Variants in DISP2 observed in about 807,000 individuals in gnomAD.
DISP2 encodes protein dispatched homolog 2.
In DISP2, 59 loss-of-function variants were observed where a neutral mutation model predicts 95.5. The observed-to-expected ratio is 0.62, with a 90% CI of 0.50 to 0.77. DISP2 has a LOEUF of 0.77. Among genes scored for constraint, DISP2 ranks in the 30% least tolerant of loss-of-function variants. DISP2 has a pLI of 0.00. For synonymous variants in DISP2, 827 were observed against 815.0 expected (o/e 1.01, Z -0.25); for missense variants, 1,752 against 1,854.6 (o/e 0.94, Z 1.02).
chr15:40,367,446 G>A lies in DISP2; in HGVS notation c.1334G>A (p.Gly445Asp), dbSNP rs75971826. Residue 445 changes from glycine to aspartate, a missense_variant, in exon 8 of 8, where the codon GGT becomes GAT. Around this residue, in one of 5 missense-constraint regions of DISP2, gnomAD observed 732 missense variants for 714.6 expected, o/e 1.02. Coordinates refer to ENST00000267889, the MANE Select transcript of DISP2 (RefSeq NM_033510.3). ...YSLLFLPTPK[G>D]ASLMDIYLDR... ...CTGCTCTTCCTGCCCACCCCAAAGG[G>A]TGCTTCCCTCATGGACATCTACCTG... The A allele has an allele frequency of 5.9e-5, 95 of 1,613,630 alleles. No individual in the cohort carries two copies. In the African/African-American group the frequency reaches 1.2e-3, roughly 20 times the overall value.
chr15:40,368,507 C>T lies in DISP2; in HGVS notation c.2395C>T (p.Pro799Ser). The T allele has an allele frequency of 6.2e-7, 1 of 1,607,184 alleles. No individual in the cohort carries two copies. The highest frequency in any genetic ancestry group is 8.5e-7 in the Non-Finnish European group (1 of 1,179,902). The stretch of plus-strand genomic sequence containing the variant: ...TAGCAACAGCAGCCTGGTGAGGGAC[C>T]CTGCCTTCTCGGCCAGCGGCCCTGA... The part of the protein sequence containing the change: ...PRSNSSLVRD[P>S]AFSASGPEAQ... Residue 799 changes from proline to serine, a missense_variant, in exon 8 of 8, where the codon CCT becomes TCT. Pro to Ser is a moderately conservative substitution (Grantham distance 74). Around this residue, in one of 5 missense-constraint regions of DISP2, gnomAD observed 732 missense variants for 714.6 expected, o/e 1.02. Transcript: ENST00000267889.
chr15:40,365,865 C>A (rs542568055), intron 7 of DISP2, 140 bp downstream of exon 7: 11 of 845,322 alleles, frequency 1.3e-5, no homozygotes, highest in Non-Finnish European at 2.1e-5. Flanking sequence ...ATTATTCCAA[C>A]CCTGCTGAGA....
rs1566916011 is a variant in DISP2, at chr15:40,367,661, C to T, written c.1549C>T (p.Leu517=). The T allele has an allele frequency of 1.2e-6, 2 of 1,614,038 alleles. No individual in the cohort carries two copies. The highest frequency in any genetic ancestry group is 1.1e-5 in the South Asian group (1 of 91,082). Residue 517 remains leucine, a synonymous_variant, in exon 8 of 8, where the codon CTG becomes TTG. Coordinates refer to ENST00000267889, the MANE Select transcript of DISP2 (RefSeq NM_033510.3). ...LRSLFLTLMV[L]LGVLGSLLVA... ...CTCACTCTTCCTCACGCTCATGGTG[C>T]TGCTGGGGGTGCTGGGCTCACTGCT... is the stretch of plus-strand genomic sequence containing the variant.
chr15:40,363,147 CAA>C (rs5812160), intron 1 of DISP2, among the ~76,000 whole-genome samples: 6 of 134,780 alleles, frequency 4.5e-5, no homozygotes, highest in Non-Finnish European at 4.8e-5. Context: ...ACTGAAAATA[CAA>C]AAAAAAAAAA....
intron 7 of DISP2, among the ~76,000 whole-genome samples, chr15:40,366,740 T>C (rs1271291055): frequency 6.6e-6 from 1 of 152,262 alleles, no homozygotes; most frequent in Non-Finnish European, 1.5e-5. Context: ...GGCCCTGTTC[T>C]ATCTGTGGCT....
rs1444064979 is a variant in DISP2 at position 40,363,698 on chromosome 15, G to T, written c.193G>T (p.Asp65Tyr). The stretch of plus-strand genomic sequence containing the variant: ...CTCCCTCCACAGCTGCCCCCTGGAG[G>T]ACCCTTCCAGCTCTTCAGGACCCCC... Reference protein sequence around the residue: ...SCSLHSCPLEDPSSSSGPPPT... With the variant: ...SCSLHSCPLEYPSSSSGPPPT... The change falls in exon 2 of 8, where the codon GAC becomes TAC. Residue 65 changes from aspartate (D) to tyrosine (Y), a missense_variant. By Grantham distance (160) the Asp-to-Tyr change is radical. Around this residue, in one of 5 missense-constraint regions of DISP2, gnomAD observed 342 missense variants for 364.3 expected, o/e 0.94. Coordinates refer to ENST00000267889, the MANE Select transcript of DISP2 (RefSeq NM_033510.3). 6.2e-7 allele frequency: 1 copy of T among 1,608,930 alleles called. No homozygotes were observed. The highest frequency in any genetic ancestry group is 1.1e-5 in the South Asian group (1 of 90,274).
At position 40,370,021 on chromosome 15, in the gene DISP2, T is replaced by G; in HGVS notation, c.3909T>G (p.Ser1303=). 1 of 1,614,118 alleles carries G rather than the reference T, an allele frequency of 6.2e-7. No individual in the cohort carries two copies. Among genetic ancestry groups the G allele is most frequent in the Non-Finnish European group, 8.5e-7 (1 of 1,180,034 alleles). The change falls in exon 8 of 8, where the codon TCT becomes TCG. Residue 1303 remains serine (S), a synonymous_variant. Transcript: ENST00000267889. The part of the protein sequence containing the change: ...SVSDETCLST[S]EPSARVPDSV... ...CTGATGAGACCTGCCTAAGCACCTC[T>G]GAGCCCAGTGCCCGTGTACCAGATT...
rs749017494 is a variant in DISP2, at chr15:40,364,405, C to T, written c.480-16C>T. 6.2e-7 allele frequency: 1 copy of T among 1,613,610 alleles called. No homozygotes were observed. Among genetic ancestry groups the T allele is most frequent in the South Asian group, 1.1e-5 (1 of 91,074 alleles). On this transcript the variant is annotated splice_polypyrimidine_tract_variant and intron_variant, in intron 3 of 7. Transcript: ENST00000267889. ...CTACCACACCCAACTCATGTGGACT[C>T]CTCCCTCTTTCCCAGCTATTCCCAG...
In DISP2 at chr15:40,375,730, C is replaced by T. The variant is rs1051399626; in HGVS notation, c.*5412C>T. 2.0e-5 allele frequency: 3 copies of T among 152,298 alleles called. No individual in the cohort carries two copies. Among genetic ancestry groups the T allele is most frequent in the Non-Finnish European group, 2.9e-5 (2 of 68,028 alleles). The allele number at this position is 152,298 out of a possible 1,614,324, so 9.4% of individuals were successfully genotyped here. ...ACACTTGGTGTCAGAGGCCTTCACA[C>T]GAGGGTTTGCACTCCCCTACAAGGA... On this transcript the variant is annotated 3_prime_UTR_variant, in exon 8 of 8. Transcript: ENST00000267889.
Position 40,371,029 on chromosome 15 carries a change from A to G in DISP2, c.*711A>G, listed in dbSNP as rs1047855167. The G allele has an allele frequency of 5.2e-6, 1 of 191,238 alleles. No homozygotes were observed. The highest frequency in any genetic ancestry group is 1.1e-5 in the Non-Finnish European group (1 of 89,692). 11.8% of individuals were successfully genotyped at this position (191,238 alleles called of 1,614,324 possible). A position where few individuals can be genotyped will look rare whatever the true frequency, so the allele number is the denominator to read the frequency against. On this transcript the variant is annotated 3_prime_UTR_variant, in exon 8 of 8. Coordinates refer to ENST00000267889, the MANE Select transcript of DISP2 (RefSeq NM_033510.3). Reference sequence around the variant, plus strand: ...GCTCCTGTGCTTTCCTGTGTTAATAAACAGTAATAATCCTTTCCATCTCTG... The same window carrying G: ...GCTCCTGTGCTTTCCTGTGTTAATAGACAGTAATAATCCTTTCCATCTCTG...
rs551876898 is a variant in DISP2 at position 40,377,350 on chromosome 15, A to G, written c.*7032A>G. ...AAAAAATTTTTGACTGAAAGTACAG[A>G]TACAACTTCCCTTTCCAGCCAAGAT... On this transcript the variant is annotated 3_prime_UTR_variant, in exon 8 of 8. Transcript: ENST00000267889. The G allele has an allele frequency of 6.6e-6, 1 of 152,094 alleles. No individual in the cohort carries two copies. Among genetic ancestry groups the G allele is most frequent in the Non-Finnish European group, 1.5e-5 (1 of 68,022 alleles). The allele number at this position is 152,094 out of a possible 1,614,324, so 9.4% of individuals were successfully genotyped here. A position where few individuals can be genotyped will look rare whatever the true frequency, so the allele number is the denominator to read the frequency against.
chr15:40,363,866 G>A lies in DISP2; in HGVS notation c.361G>A (p.Gly121Ser), dbSNP rs761369737. ...LGDRAALCSH[G>S]SSLSPSPAPS... The stretch of plus-strand genomic sequence containing the variant: ...GGATCGGGCAGCTCTCTGCTCCCAC[G>A]GCTCCAGCCTCAGCCCTTCTCCAGC... Residue 121 changes from glycine (G) to serine (S), a missense_variant, in exon 2 of 8, where the codon GGC (glycine) becomes AGC (serine). Around this residue, in one of 5 missense-constraint regions of DISP2, gnomAD observed 342 missense variants for 364.3 expected, o/e 0.94. Transcript: ENST00000267889. The A allele has an allele frequency of 6.2e-6, 10 of 1,603,556 alleles. No individual in the cohort carries two copies. Among genetic ancestry groups the A allele is most frequent in the Admixed American group, 3.4e-5 (2 of 59,274 alleles).
chr15:40,358,244 T>G lies in DISP2; in HGVS notation c.-78T>G. 1.3e-6 allele frequency: 1 copy of G among 779,750 alleles called. No individual in the cohort carries two copies. The highest frequency in any genetic ancestry group is 1.6e-6 in the Non-Finnish European group (1 of 614,816). 48.3% of individuals were successfully genotyped at this position (779,750 alleles called of 1,614,324 possible). A position where few individuals can be genotyped will look rare whatever the true frequency, so the allele number is the denominator to read the frequency against. On this transcript the variant is annotated 5_prime_UTR_variant, in exon 1 of 8. Coordinates refer to ENST00000267889, the MANE Select transcript of DISP2 (RefSeq NM_033510.3). ...ATGCGCACGAGCACCCCGCCGCCGCTGCCGCCGCCACCGCCGCCGCCGCCG... is the reference window on the plus strand; with the variant it reads ...ATGCGCACGAGCACCCCGCCGCCGCGGCCGCCGCCACCGCCGCCGCCGCCG...
rs1889344184 is a variant in DISP2, at chr15:40,358,254, A to ACCACCGCCGCCGCCG, written c.-66_-65insACCGCCGCCGCCGCC. ...GCACCCCGCCGCCGCTGCCGCCGCC[A>ACCACCGCCGCCGCCG]CCGCCGCCGCCGCCGCCGCCGCCGC... On this transcript the variant is annotated 5_prime_UTR_variant, in exon 1 of 8. Transcript: ENST00000267889. 1.0e-6 allele frequency: 1 copy of ACCACCGCCGCCGCCG among 983,740 alleles called. No homozygotes were observed. Among genetic ancestry groups the ACCACCGCCGCCGCCG allele is most frequent in the African/African-American group, 1.9e-5 (1 of 52,520 alleles). 60.9% of individuals were successfully genotyped at this position (983,740 alleles called of 1,614,324 possible). A position where few individuals can be genotyped will look rare whatever the true frequency, so the allele number is the denominator to read the frequency against.
chr15:40,366,962 T>C (rs1889505797), intron 7 of DISP2, 96 bp from the exon 8 acceptor site: 2 of 1,478,954 alleles, frequency 1.4e-6, no homozygotes, highest in South Asian at 2.5e-5. Context: ...GCTTGCCCTG[T>C]AGTGTGAAAG....
chr15:40,374,014 A>AAAAAAAAAAAAAAAAAATATAT lies in DISP2; in HGVS notation c.*3697_*3698insAAAAAAAAAAAAAAAATATATA. The stretch of plus-strand genomic sequence containing the variant: ...GCGAGACTCCATCTTAAAAAAAAAA[A>AAAAAAAAAAAAAAAAAATATAT]ATATATATATATATATATGTAAACT... On this transcript the variant is annotated 3_prime_UTR_variant, in exon 8 of 8. Coordinates refer to ENST00000267889, the MANE Select transcript of DISP2 (RefSeq NM_033510.3). 9.6e-6 allele frequency: 1 copy of AAAAAAAAAAAAAAAAAATATAT among 104,196 alleles called. No homozygotes were observed. The highest frequency in any genetic ancestry group is 4.2e-5 in the African/African-American group (1 of 23,942). 6.5% of individuals were successfully genotyped at this position (104,196 alleles called of 1,614,324 possible). A position where few individuals can be genotyped will look rare whatever the true frequency, so the allele number is the denominator to read the frequency against.
At chr15:40,364,341 G>C in intron 3 of DISP2, 80 bp from the exon 4 acceptor site, 2 of 1,613,470 alleles carry the variant, frequency 1.2e-6, no homozygotes, top group Non-Finnish European at 1.7e-6. Context: ...GCTCTATCTA[G>C]CACCCCTTCT....
Position 40,369,323 on chromosome 15 carries a change from T to C in DISP2, c.3211T>C (p.Phe1071Leu), listed in dbSNP as rs748210947. Residue 1071 changes from phenylalanine to leucine, a missense_variant, in exon 8 of 8, where the codon TTT becomes CTT. Physicochemically the swap from Phe to Leu is conservative, Grantham distance 22. Around this residue, in one of 5 missense-constraint regions of DISP2, gnomAD observed 317 missense variants for 394.9 expected, o/e 0.80. Transcript: ENST00000267889. Reference protein sequence around the residue: ...CATAVGAAALFAAGVLMLPAT... With the variant: ...CATAVGAAALLAAGVLMLPAT... ...CACAGCCGTGGGGGCTGCAGCCCTG[T>C]TTGCGGCAGGCGTGCTCATGCTGCC... is the stretch of plus-strand genomic sequence containing the variant. The C allele has an allele frequency of 6.2e-7, 1 of 1,613,522 alleles. No individual in the cohort carries two copies. The highest frequency in any genetic ancestry group is 1.1e-5 in the South Asian group (1 of 91,084).
chr15:40,368,533 G>A lies in DISP2; in HGVS notation c.2421G>A (p.Glu807=). ...RDPAFSASGP[E]AQRWLLALCH... ...CTGCCTTCTCGGCCAGCGGCCCTGA[G>A]GCCCAGCGCTGGCTGCTGGCACTCT... Residue 807 remains glutamate (E), a synonymous_variant, in exon 8 of 8, where the codon GAG becomes GAA. Coordinates refer to ENST00000267889, the MANE Select transcript of DISP2 (RefSeq NM_033510.3). The A allele has an allele frequency of 1.2e-6, 2 of 1,605,360 alleles. No individual in the cohort carries two copies. The highest frequency in any genetic ancestry group is 1.7e-6 in the Non-Finnish European group (2 of 1,179,900).
Sources: gnomAD v4.1 joint callset for allele counts (sites outside exome capture counted in the v4.1 genomes callset) on GRCh38, gnomAD v4.1.1 for gene constraint, gnomAD v4.1.1 regional missense constraint, MANE v1.5 for transcripts, NCBI Gene and HGNC (gene_info 2026-07-23, HGNC 2026-07-21) for gene names.